The following ME3 variants were observed in gnomAD, a reference collection of about 807,000 sequenced individuals.
ME3 encodes the protein NADP-dependent malic enzyme, mitochondrial.
Under a neutral mutation model 68.9 loss-of-function variants are expected in ME3, and 48 were observed. That is an observed-to-expected ratio of 0.70 (90% CI 0.55 to 0.89). The LOEUF (loss-of-function observed/expected upper bound fraction) is 0.89. Among genes scored for constraint, ME3 ranks in the 40% least tolerant of loss-of-function variants. The probability of loss-of-function intolerance (pLI) is 0.00; values close to 1 mark genes in which losing one functional copy is unlikely to be tolerated. For missense variants in ME3, 675 were observed against 797.4 expected, an observed-to-expected ratio of 0.85 and a Z score of 1.85; for synonymous variants, 320 against 318.8, an observed-to-expected ratio of 1.00 and a Z score of -0.04.
chr11:86,530,447 C>G (rs1422595243), intron 4 of ME3, among the ~76,000 whole-genome samples: 1 of 152,142 alleles, frequency 6.6e-6, no homozygotes, highest in Admixed American at 6.5e-5. Context: ...ACATTCAATG[C>G]CATCCCCATC....
At chr11:86,517,014 C>T (rs1357847182) in intron 4 of ME3, among the ~76,000 whole-genome samples, 1 of 152,132 alleles carries the variant, frequency 6.6e-6, no homozygotes, top group African/African-American at 2.4e-5. Flanking sequence ...CCTTCAAATA[C>T]TTATTTCATT....
At position 86,573,816 on chromosome 11, in the gene ME3, G is replaced by A. The variant is rs554678450; in HGVS notation, c.184-13993C>T. ...TTGAGATATGTTCCATCAATACCTAGTTTATTGAGAGCTTTTAACATAAAA... is the reference window on the plus strand; with the variant it reads ...TTGAGATATGTTCCATCAATACCTAATTTATTGAGAGCTTTTAACATAAAA... On this transcript the variant is annotated intron_variant, in intron 2 of 14. Coordinates refer to ENST00000543262, the Ensembl canonical transcript of ME3. Among the ~76,000 whole-genome samples, 4 of 152,272 alleles carry A rather than the reference G, an allele frequency of 2.6e-5. No homozygotes were observed. The South Asian group carries it at 8.3e-4, about 32-fold the overall frequency.
At chr11:86,438,690 TTTTG>T (rs1218756990), downstream of ME3, among the ~76,000 whole-genome samples, 5 of 152,170 alleles carry the variant, frequency 3.3e-5, no homozygotes, top group African/African-American at 4.8e-5. Context: ...TTGCTTTGAA[TTTTG>T]TTTGCTTTCC....
chr11:86,590,866 A>G (rs1024918444), intron 2 of ME3, among the ~76,000 whole-genome samples: 5 of 152,262 alleles, frequency 3.3e-5, no homozygotes, highest in African/African-American at 1.2e-4. Context: ...GCCCACTAGC[A>G]CTATGAGGCA....
rs1365362336 is a variant in ME3 at position 86,457,791 on chromosome 11, T to C, written c.919+7300A>G. On this transcript the variant is annotated intron_variant, in intron 8 of 14. Coordinates refer to ENST00000543262, the Ensembl canonical transcript of ME3. ...ATGGTAAAAGAAAAAGAAGTTTTTT[T>C]TTCCAGAGGGAGATTTCCATAATTA... 3.2e-6 allele frequency: 4 copies of C among 1,260,828 alleles called. No individual in the cohort carries two copies. The Admixed American group carries it at 9.7e-5, about 30-fold the overall frequency. 78.1% of individuals were successfully genotyped at this position (1,260,828 alleles called of 1,614,324 possible).
rs73524016 is a variant in ME3, at chr11:86,581,234, A to T, written c.184-21411T>A. 2.0e-3 allele frequency among the ~76,000 whole-genome samples: 299 copies of T among 152,334 alleles called. 4 individuals are homozygous for T. Among genetic ancestry groups the T allele is most frequent in the African/African-American group, 7.0e-3 (292 of 41,580 alleles). On this transcript the variant is annotated intron_variant, in intron 2 of 14. Coordinates refer to ENST00000543262, the Ensembl canonical transcript of ME3. ...CTTGTGTGTGTATGTGTGTGTATAC[A>T]CATGCATCCATGTGTAATTGGTATG...
chr11:86,612,965 T>G (rs933927059), intron 2 of ME3, among the ~76,000 whole-genome samples: 2 of 152,226 alleles, frequency 1.3e-5, no homozygotes, highest in African/African-American at 4.8e-5. Context: ...TTTGGTGTTT[T>G]AGTCATGAAG....
chr11:86,611,978 C>T (rs1271539368), intron 2 of ME3, among the ~76,000 whole-genome samples: 1 of 152,058 alleles, frequency 6.6e-6, no homozygotes, highest in African/African-American at 2.4e-5. Context: ...GATACATGTG[C>T]AGAACATGCA....
intron 6 of ME3, among the ~76,000 whole-genome samples, chr11:86,493,241 C>T (rs1463165814): frequency 6.6e-6 from 1 of 152,208 alleles, no homozygotes; most frequent in Non-Finnish European, 1.5e-5. Flanking sequence ...ATGATCTGCT[C>T]CCATGTTTGT....
chr11:86,521,918 T>TTCTA (rs1954340797), intron 4 of ME3, among the ~76,000 whole-genome samples: 1 of 152,026 alleles, frequency 6.6e-6, no homozygotes. Context: ...TATCCACAGG[T>TTCTA]TCTACATCTT....
At chr11:86,640,972 A>G (rs991050229) in intron 2 of ME3, among the ~76,000 whole-genome samples, 2 of 151,360 alleles carry the variant, frequency 1.3e-5, no homozygotes, top group African/African-American at 2.4e-5. Context: ...CCAGAGGCCA[A>G]TATCATCATG....
intron 4 of ME3, 74 bp downstream of exon 4, chr11:86,556,479 C>A: frequency 6.6e-7 from 1 of 1,519,002 alleles, no homozygotes; most frequent in South Asian, 1.3e-5. Flanking sequence ...TCCCAATATG[C>A]ATGAAGGGCG....
intron 3 of ME3, among the ~76,000 whole-genome samples, chr11:86,557,005 T>C (rs934942178): frequency 6.6e-6 from 1 of 152,212 alleles, no homozygotes; most frequent in African/African-American, 2.4e-5. Context: ...AGGAGACTCA[T>C]GTAGAGAGAA....
At chr11:86,559,631 C>A in intron 3 of ME3, 59 bp downstream of exon 3, 1 of 1,537,208 alleles carries the variant, frequency 6.5e-7, no homozygotes, top group Non-Finnish European at 8.8e-7. Context: ...CTGTGAAGCA[C>A]AGGAAACAGA....
At chr11:86,655,755 A>G (rs1400453619) in intron 2 of ME3, among the ~76,000 whole-genome samples, 2 of 151,728 alleles carry the variant, frequency 1.3e-5, no homozygotes, top group East Asian at 3.8e-4. Flanking sequence ...AATGGAATCT[A>G]ATTAAACTAA....
At chr11:86,593,557 T>C (rs1053648991) in intron 2 of ME3, among the ~76,000 whole-genome samples, 4 of 146,482 alleles carry the variant, frequency 2.7e-5, no homozygotes, top group Non-Finnish European at 6.0e-5. Context: ...CTAAGTTCAA[T>C]AGGAATTTTC....
intron 7 of ME3, among the ~76,000 whole-genome samples, chr11:86,486,249 A>G (rs527625358): frequency 2.6e-5 from 4 of 152,218 alleles, no homozygotes; most frequent in Admixed American, 2.6e-4. Context: ...TCCATCATTC[A>G]TTTTGTCTTT....
chr11:86,536,573 A>G (rs1329314804), intron 4 of ME3, among the ~76,000 whole-genome samples: 4 of 142,306 alleles, frequency 2.8e-5, no homozygotes, highest in Non-Finnish European at 6.1e-5. Flanking sequence ...ATGCAAATCA[A>G]AACCACAATG....
At chr11:86,652,691 G>A (rs946144413) in intron 2 of ME3, among the ~76,000 whole-genome samples, 4 of 151,532 alleles carry the variant, frequency 2.6e-5, no homozygotes, top group African/African-American at 9.7e-5. Flanking sequence ...ATCAACTAAT[G>A]AGCAAAATCA....
Sources: gnomAD v4.1 joint callset for allele counts (sites outside exome capture counted in the v4.1 genomes callset) on GRCh38, gnomAD v4.1.1 for gene constraint, MANE v1.5 for transcripts, NCBI Gene and HGNC (gene_info 2026-07-23, HGNC 2026-07-21) for gene names.